DNAI1: variants seen among roughly 807,000 people sequenced by gnomAD.
DNAI1 encodes dynein, axonemal, intermediate polypeptide 1.
Under a neutral mutation model 92.0 loss-of-function variants are expected in DNAI1, and 67 were observed. The ratio of observed to expected loss-of-function variants is 0.73; its 90% CI spans 0.60 to 0.89. The LOEUF is 0.89. Among genes scored for constraint, DNAI1 ranks in the 40% least tolerant of loss-of-function variants. The probability of loss-of-function intolerance (pLI) is 0.00; values close to 1 mark genes in which losing one functional copy is unlikely to be tolerated. For synonymous variants in DNAI1, 323 were observed against 319.6 expected (o/e 1.01, Z -0.11); for missense variants, 839 against 866.6 (o/e 0.97, Z 0.40).
At chr9:34,466,101 A>G (rs1241193730) in intron 1 of DNAI1, among the ~76,000 whole-genome samples, 2 of 152,226 alleles carry the variant, frequency 1.3e-5, no homozygotes, top group Admixed American at 6.5e-5. Context: ...TAAATGCTGA[A>G]TGAATGAATA....
At chr9:34,480,286 T>G (rs988577584) in intron 1 of DNAI1, among the ~76,000 whole-genome samples, 4 of 124,270 alleles carry the variant, frequency 3.2e-5, no homozygotes, top group Non-Finnish European at 6.7e-5. Flanking sequence ...TTTTTTTTTT[T>G]TTTTTTTTTT....
Position 34,513,092 on chromosome 9 carries a change from C to T in DNAI1, c.1490-20C>T. On this transcript the variant is annotated intron_variant, in intron 15 of 19. Transcript: ENST00000242317. ...CCCTCTTGGAACTGGGCTAAGCCTG[C>T]CCCTCCCTCTTTTCCCAAGGTTGTG... The T allele has an allele frequency of 6.2e-7, 1 of 1,608,624 alleles. No homozygotes were observed. Among genetic ancestry groups the T allele is most frequent in the Non-Finnish European group, 8.5e-7 (1 of 1,175,158 alleles).
intron 9 of DNAI1, among the ~76,000 whole-genome samples, chr9:34,495,417 T>C (rs1824701975): frequency 6.6e-6 from 1 of 152,218 alleles, no homozygotes; most frequent in Non-Finnish European, 1.5e-5. Context: ...TTGCCATTTG[T>C]TAGCTCAGTT....
intron 12 of DNAI1, among the ~76,000 whole-genome samples, chr9:34,502,773 C>T (rs1042995557): frequency 2.0e-5 from 3 of 151,958 alleles, no homozygotes; most frequent in Admixed American, 1.3e-4. Context: ...GAGTGGTACC[C>T]GTCGTCAGCT....
At chr9:34,459,859 T>C (rs1317459907) in intron 1 of DNAI1, among the ~76,000 whole-genome samples, 1 of 152,222 alleles carries the variant, frequency 6.6e-6, no homozygotes, top group Non-Finnish European at 1.5e-5. Context: ...CTAAACAGAA[T>C]ACAGGACAGG....
chr9:34,518,500 C>T (rs1332478564), intron 19 of DNAI1, among the ~76,000 whole-genome samples: 1 of 152,198 alleles, frequency 6.6e-6, no homozygotes, highest in Non-Finnish European at 1.5e-5. Context: ...TGCTAAGCGC[C>T]TGCAGCTGTG....
At chr9:34,488,675 T>C (rs978229567) in intron 4 of DNAI1, 1 of 156,246 alleles carries the variant, frequency 6.4e-6, no homozygotes. Context: ...AGGGATTGTG[T>C]CTACTTTTTC....
At position 34,478,096 on chromosome 9, in the gene DNAI1, A is replaced by G. The variant is rs376621210; in HGVS notation, c.49-5352A>G. 1.2e-3 allele frequency among the ~76,000 whole-genome samples: 179 copies of G among 152,220 alleles called. 1 individual carries two copies. Among genetic ancestry groups the G allele is most frequent in the African/African-American group, 4.0e-3 (166 of 41,544 alleles). ...GAGATAGGGTTTCACGATGTTGCCC[A>G]GGCTGGTCTCGAACTCCTAGCCTCA... On this transcript the variant is annotated intron_variant, in intron 1 of 19. Transcript: ENST00000242317.
chr9:34,474,570 T>TC (rs1824204844), intron 1 of DNAI1, among the ~76,000 whole-genome samples: 1 of 139,480 alleles, frequency 7.2e-6, no homozygotes. Context: ...TTTTTTCCTT[T>TC]TTTTTTTTTT....
intron 1 of DNAI1, among the ~76,000 whole-genome samples, chr9:34,463,048 G>A (rs1188550107): frequency 1.3e-5 from 2 of 152,114 alleles, no homozygotes; most frequent in Non-Finnish European, 1.5e-5. Context: ...AGAAGTTCAG[G>A]GAATCACAAG....
intron 16 of DNAI1, among the ~76,000 whole-genome samples, chr9:34,513,491 T>G (rs992525036): frequency 6.6e-6 from 1 of 152,096 alleles, no homozygotes; most frequent in Non-Finnish European, 1.5e-5. Context: ...AGTTAGAATA[T>G]TTTGGGAAAA....
chr9:34,460,122 T>C (rs1276800174), intron 1 of DNAI1, among the ~76,000 whole-genome samples: 1 of 152,180 alleles, frequency 6.6e-6, no homozygotes, highest in Non-Finnish European at 1.5e-5. Flanking sequence ...ACAGATGTCA[T>C]CCCTTCTCAC....
chr9:34,512,067 A>C, intron 13 of DNAI1, 42 bp from the exon 14 acceptor site: 1 of 1,600,200 alleles, frequency 6.2e-7, no homozygotes, highest in Non-Finnish European at 8.6e-7. Flanking sequence ...CTAACTCAAC[A>C]CTTTAGCAGG....
chr9:34,492,514 A>C (rs1260727855), intron 8 of DNAI1, among the ~76,000 whole-genome samples: 14 of 117,138 alleles, frequency 1.2e-4, no homozygotes, highest in African/African-American at 4.1e-4. Flanking sequence ...ATATATATAT[A>C]TATATATATA....
rs1448928707 is a variant in DNAI1 at position 34,514,682 on chromosome 9, T to G, written c.1761T>G (p.Asp587Glu). 3 of 1,614,014 alleles carry G rather than the reference T, an allele frequency of 1.9e-6. No individual in the cohort carries two copies. Among genetic ancestry groups the G allele is most frequent in the African/African-American group, 1.3e-5 (1 of 74,912 alleles). Residue 587 changes from aspartate to glutamate, a missense_variant, in exon 18 of 20, where the codon GAT becomes GAG. Physicochemically the swap from Asp to Glu is conservative, Grantham distance 45. Coordinates refer to ENST00000242317, the MANE Select transcript of DNAI1 (RefSeq NM_012144.4). ...FIYDLNSAVG[D>E]VAWAPYSSTV... is the part of the protein sequence containing the mutation. ...ATGACCTGAACTCAGCCGTGGGTGA[T>G]GTGGCCTGGGCGCCATACTCTTCTA... is the stretch of plus-strand genomic sequence containing the variant.
At chr9:34,491,211 G>A in intron 7 of DNAI1, 1 of 517,022 alleles carries the variant, frequency 1.9e-6, no homozygotes, top group Non-Finnish European at 3.5e-6. Context: ...CTGCAGGTCT[G>A]TTCATCCCCC....
At chr9:34,519,077 A>AGGGACAGGTG (rs1825220314) in intron 19 of DNAI1, among the ~76,000 whole-genome samples, 1 of 152,198 alleles carries the variant, frequency 6.6e-6, no homozygotes, top group South Asian at 2.1e-4. Context: ...GGACCTGAGA[A>AGGGACAGGTG]GGGACAGGTG....
chr9:34,474,788 C>T (rs1430435205), intron 1 of DNAI1, among the ~76,000 whole-genome samples: 1 of 151,822 alleles, frequency 6.6e-6, no homozygotes, highest in Non-Finnish European at 1.5e-5. Context: ...AGGCTGGTCT[C>T]GAACTTCTGA....
chr9:34,487,395 C>T (rs946877162), intron 4 of DNAI1, among the ~76,000 whole-genome samples: 5 of 152,028 alleles, frequency 3.3e-5, no homozygotes, highest in South Asian at 2.1e-4. Context: ...CCATGTTAGC[C>T]AGGATGGTCT....
Sources: allele counts gnomAD v4.1 joint callset (sites outside exome capture counted in the v4.1 genomes callset), GRCh38; gene constraint gnomAD v4.1.1; transcripts MANE v1.5; gene names NCBI Gene and HGNC (gene_info 2026-07-23, HGNC 2026-07-21).